The following NTN1 variants were observed in gnomAD, a reference collection of about 807,000 sequenced individuals.
NTN1 encodes the protein netrin-1.
A neutral mutation model predicts 54.2 loss-of-function variants in NTN1; 11 were observed. That is an observed-to-expected ratio of 0.20 (90% CI 0.13 to 0.34). NTN1 has a LOEUF of 0.34. NTN1 is among the 10% of genes least tolerant of loss of function. The probability of loss-of-function intolerance (pLI) is 1.00; values close to 1 mark genes in which losing one functional copy is unlikely to be tolerated. For missense variants in NTN1, 740 were observed against 893.1 expected (o/e 0.83, Z 2.18); for synonymous variants, 371 against 382.0 (o/e 0.97, Z 0.33).
chr17:9,003,467 T>C, the NTN1 span, among the ~76,000 whole-genome samples: 2 of 151,034 alleles, frequency 1.3e-5, no homozygotes, highest in Non-Finnish European at 3.0e-5. This position sits in a 1 kb window ranked among gnomAD's most constrained non-coding sequence, Gnocchi z 7.4. Context: ...AGCCCCAGCC[T>C]GCTCCGGGCC....
intron 1 of NTN1, among the ~76,000 whole-genome samples, chr17:9,021,946 G>C (rs1437919765): frequency 1.3e-5 from 2 of 152,142 alleles, no homozygotes; most frequent in African/African-American, 2.4e-5. Flanking sequence ...GCTGCGAGAC[G>C]AAGGGGCGCG....
chr17:9,176,211 C>T (rs2092399678), intron 3 of NTN1: 1 of 152,604 alleles, frequency 6.6e-6, no homozygotes, highest in South Asian at 2.1e-4. Flanking sequence ...GTGTGTGTGG[C>T]TTTGTGGATC....
intron 5 of NTN1, among the ~76,000 whole-genome samples, chr17:9,197,102 G>T (rs534487651): frequency 6.6e-6 from 1 of 151,902 alleles, no homozygotes; most frequent in African/African-American, 2.4e-5. Flanking sequence ...TGTCCAAAAG[G>T]CATCCTGAGA....
At position 9,060,586 on chromosome 17, in the gene NTN1, T is replaced by C. The variant is rs1319121220; in HGVS notation, c.1018+37195T>C. Among the ~76,000 whole-genome samples the C allele has an allele frequency of 2.0e-5, 3 of 152,300 alleles. No individual in the cohort carries two copies. The East Asian group carries it at 5.8e-4, about 29-fold the overall frequency. ...ACGGCCATGGTAACTGTCAAATGAA[T>C]GGTTTTAACATTGGGCTTCAGGAGG... On this transcript the variant is annotated intron_variant, in intron 2 of 6. Coordinates refer to ENST00000173229, the MANE Select transcript of NTN1 (RefSeq NM_004822.3).
chr17:9,115,749 C>T (rs943567411), intron 2 of NTN1, among the ~76,000 whole-genome samples: 8 of 152,200 alleles, frequency 5.3e-5, no homozygotes, highest in South Asian at 4.1e-4. Context: ...ACGGATGGGC[C>T]GTGGCGGAGT....
intron 2 of NTN1, among the ~76,000 whole-genome samples, chr17:9,117,092 C>T (rs887000394): frequency 2.0e-5 from 3 of 152,038 alleles, no homozygotes; most frequent in Admixed American, 6.6e-5. Context: ...AGCTGTGAGG[C>T]GTGAAAGGGT....
intron 2 of NTN1, among the ~76,000 whole-genome samples, chr17:9,087,505 G>A (rs539487837): frequency 1.3e-5 from 2 of 152,338 alleles, no homozygotes; most frequent in South Asian, 4.1e-4. Context: ...GGCTTGTGCT[G>A]TAGGAAGATC....
chr17:9,137,874 T>A (rs2092285966), intron 2 of NTN1, among the ~76,000 whole-genome samples: 1 of 152,200 alleles, frequency 6.6e-6, no homozygotes, highest in South Asian at 2.1e-4. Flanking sequence ...CTTGGTGTTT[T>A]CCCTGTGCCT....
intron 2 of NTN1, among the ~76,000 whole-genome samples, chr17:9,047,798 GA>G (rs2091945650): frequency 6.6e-6 from 1 of 152,008 alleles, no homozygotes; most frequent in African/African-American, 2.4e-5. Context: ...GGGTTCAAGG[GA>G]TTCTCCTGCC....
At chr17:9,006,960 G>A in the NTN1 span, among the ~76,000 whole-genome samples, 6 of 152,134 alleles carry the variant, frequency 3.9e-5, no homozygotes, top group Non-Finnish European at 7.4e-5. Flanking sequence ...CTTCTCCACC[G>A]CCATCATGGC....
chr17:9,043,637 C>T (rs186732448), intron 2 of NTN1, among the ~76,000 whole-genome samples: 121 of 151,274 alleles, frequency 8.0e-4, no homozygotes, highest in Middle Eastern at 3.4e-3. Context: ...AATGCAATGG[C>T]GCGATCTTGG....
chr17:9,103,932 C>CA (rs2092157911), intron 2 of NTN1, among the ~76,000 whole-genome samples: 3 of 151,438 alleles, frequency 2.0e-5, no homozygotes, highest in East Asian at 3.9e-4. Flanking sequence ...CTAAAAAATA[C>CA]AAAAAAATTA....
At chr17:9,011,286 C>T in the NTN1 span, among the ~76,000 whole-genome samples, 1 of 152,106 alleles carries the variant, frequency 6.6e-6, no homozygotes, top group Non-Finnish European at 1.5e-5. Flanking sequence ...GGGTTAGGGA[C>T]CCCCGCTGTA....
chr17:9,044,425 G>C (rs921240272), intron 2 of NTN1, among the ~76,000 whole-genome samples: 3 of 151,660 alleles, frequency 2.0e-5, no homozygotes, highest in African/African-American at 7.3e-5. Flanking sequence ...AGTAGAGACG[G>C]GGTTTCACCG....
chr17:9,038,608 T>TGTTTCCAG (rs769641545), intron 2 of NTN1, among the ~76,000 whole-genome samples: 138 of 152,234 alleles, frequency 9.1e-4, no homozygotes, highest in Non-Finnish European at 1.6e-3. Context: ...CATTAAAGCC[T>TGTTTCCAG]GTTTCCAGGT....
Position 9,022,539 on chromosome 17 carries a change from G to C in NTN1, c.166G>C (p.Val56Leu). Residue 56 changes from valine to leucine, a missense_variant, in exon 2 of 7, where the codon GTC becomes CTC. Val to Leu is a conservative substitution (Grantham distance 32). Transcript: ENST00000173229. The stretch of plus-strand genomic sequence containing the variant: ...CCCGCGCCGCTGCATCCCGGACTTT[G>C]TCAATGCGGCCTTCGGCAAGGACGT... The part of the protein sequence containing the change: ...GHPRRCIPDF[V>L]NAAFGKDVRV... 1 of 1,551,360 alleles carries C rather than the reference G, an allele frequency of 6.4e-7. No homozygotes were observed. Among genetic ancestry groups the C allele is most frequent in the Non-Finnish European group, 8.7e-7 (1 of 1,150,886 alleles).
chr17:9,053,914 A>G (rs2091969114), intron 2 of NTN1, among the ~76,000 whole-genome samples: 1 of 152,168 alleles, frequency 6.6e-6, no homozygotes, highest in African/African-American at 2.4e-5. Flanking sequence ...GCCATGCTTC[A>G]GCCACACCAG....
At chr17:9,058,636 TCAAAAA>T (rs2091986539) in intron 2 of NTN1, among the ~76,000 whole-genome samples, 1 of 12,258 alleles carries the variant, frequency 8.2e-5, no homozygotes, top group African/African-American at 4.4e-4. Flanking sequence ...TGGTAGGCAC[TCAAAAA>T]AAAAAAAAAA....
chr17:9,011,592 G>C, the NTN1 span, among the ~76,000 whole-genome samples: 1 of 151,940 alleles, frequency 6.6e-6, no homozygotes, highest in Non-Finnish European at 1.5e-5. Flanking sequence ...GATATCTTTT[G>C]GGGGGGCATT....
Sources: gnomAD v4.1 joint callset for allele counts (sites outside exome capture counted in the v4.1 genomes callset) on GRCh38, gnomAD v4.1.1 for gene constraint, Gnocchi (gnomAD v3.1) non-coding constraint, MANE v1.5 for transcripts, NCBI Gene and HGNC (gene_info 2026-07-23, HGNC 2026-07-21) for gene names.